The following MOK variants were observed in gnomAD, a reference collection of about 807,000 sequenced individuals.
MOK encodes the protein MOK protein kinase, also known as MAPK/MAK/MRK overlapping kinase.
A neutral mutation model predicts 54.2 loss-of-function variants in MOK; 59 were observed. The ratio of observed to expected loss-of-function variants is 1.09; its 90% CI spans 0.88 to 1.35. The LOEUF is 1.35. Ranked by LOEUF, MOK falls within the 40% of genes most tolerant of loss-of-function variation. The pLI is 0.00. For missense variants in MOK, 517 were observed against 526.2 expected (o/e 0.98, Z 0.17); for synonymous variants, 210 against 202.7 (o/e 1.04, Z -0.31).
Position 102,250,940 on chromosome 14 carries a change from G to A in MOK, c.462C>T (p.Ser154=). 6.2e-7 allele frequency: 1 copy of A among 1,614,114 alleles called. No homozygotes were observed. Among genetic ancestry groups the A allele is most frequent in the Non-Finnish European group, 8.5e-7 (1 of 1,180,022 alleles). ...GDFGSCRSVY[S]KQPYTEYIST... ...AGATGTATTCCGTGTACGGCTGCTTGGAATAGACACTCCGGCAGGAGCCAA... is the reference window on the plus strand; with the variant it reads ...AGATGTATTCCGTGTACGGCTGCTTAGAATAGACACTCCGGCAGGAGCCAA... The change falls in exon 7 of 12, where the codon TCC becomes TCT. Residue 154 remains serine (S), a synonymous_variant. Coordinates refer to ENST00000361847, the MANE Select transcript of MOK (RefSeq NM_014226.3).
rs2065992918 is a variant in MOK at position 102,245,130 on chromosome 14, A to G, written c.590+5682T>C. Among the ~76,000 whole-genome samples the G allele has an allele frequency of 6.6e-6, 1 of 151,898 alleles. No homozygotes were observed. Among genetic ancestry groups the G allele is most frequent in the Non-Finnish European group, 1.5e-5 (1 of 67,990 alleles). On this transcript the variant is annotated intron_variant, in intron 7 of 11. Coordinates refer to ENST00000361847, the MANE Select transcript of MOK (RefSeq NM_014226.3). This position sits in a 1 kb window ranked among gnomAD's most constrained non-coding sequence, Gnocchi z 4.3. The stretch of plus-strand genomic sequence containing the variant: ...ACCTTGTGTCTTCCGTTTAGCTCTC[A>G]ATTCATAAAAAAACACATCCAGGCC...
Position 102,231,501 on chromosome 14 carries a change from G to T in MOK, c.981+206C>A, listed in dbSNP as rs1457977551. 7.7e-6 allele frequency: 4 copies of T among 518,402 alleles called. No individual in the cohort carries two copies. The highest frequency in any genetic ancestry group is 1.4e-5 in the Non-Finnish European group (4 of 288,560). The allele number at this position is 518,402 out of a possible 1,614,324, so 32.1% of individuals were successfully genotyped here. A position where few individuals can be genotyped will look rare whatever the true frequency, so the allele number is the denominator to read the frequency against. ...TCGTCATCAATTCTTAGCTACTGGG[G>T]CAGAAAGGGCTTGAGCAAATAGAAC... On this transcript the variant is annotated intron_variant, in intron 10 of 11. Transcript: ENST00000361847. The surrounding 1 kb of genome is among the most constrained non-coding windows in gnomAD (Gnocchi z 4.4).
At position 102,295,155 on chromosome 14, in the gene MOK, A is replaced by G. The variant is rs920606634; in HGVS notation, c.7+9807T>C. ...GAAGGGAACAGAGCTATGATACTGT[A>G]AATGAACGTCATGCCCCACATTATT... On this transcript the variant is annotated intron_variant, in intron 1 of 11. Transcript: ENST00000361847. Among the ~76,000 whole-genome samples, 4 of 152,332 alleles carry G rather than the reference A, an allele frequency of 2.6e-5. No individual in the cohort carries two copies. The South Asian group carries it at 8.3e-4, about 32-fold the overall frequency.
At chr14:102,262,927 TAGTC>T (rs1467026121) in intron 4 of MOK, among the ~76,000 whole-genome samples, 2 of 152,240 alleles carry the variant, frequency 1.3e-5, no homozygotes, top group African/African-American at 2.4e-5. Context: ...ACACAACCAT[TAGTC>T]AGACCCCCAG....
At chr14:102,277,528 G>A (rs577963776) in intron 2 of MOK, 1 of 151,936 alleles carries the variant, frequency 6.6e-6, no homozygotes, top group South Asian at 2.1e-4. Flanking sequence ...TGAGGCAGGA[G>A]AACTGCTTGA....
At chr14:102,297,231 G>A (rs1453284072) in intron 1 of MOK, among the ~76,000 whole-genome samples, 12 of 149,820 alleles carry the variant, frequency 8.0e-5, no homozygotes, top group South Asian at 6.4e-4. Context: ...GGTGGCGGGC[G>A]CCTGTAGTCC....
intron 4 of MOK, among the ~76,000 whole-genome samples, chr14:102,254,852 C>T (rs542037608): frequency 2.0e-5 from 3 of 152,288 alleles, no homozygotes; most frequent in South Asian, 2.1e-4. Flanking sequence ...TCCCAAAGCT[C>T]GCCTGCTTAG....
intron 1 of MOK, among the ~76,000 whole-genome samples, chr14:102,299,029 A>G (rs2071822108): frequency 6.6e-6 from 1 of 152,142 alleles, no homozygotes; most frequent in Non-Finnish European, 1.5e-5. Context: ...CAAACTCCAG[A>G]CACACTGCTT....
chr14:102,252,528 C>T (rs1183078394), intron 4 of MOK, among the ~76,000 whole-genome samples: 1 of 151,876 alleles, frequency 6.6e-6, no homozygotes, highest in African/African-American at 2.4e-5. Context: ...ATGGAAAATC[C>T]CTTTTTATTT....
chr14:102,283,569 C>T lies in MOK; in HGVS notation c.31G>A (p.Gly11Arg). 2 of 1,613,048 alleles carry T rather than the reference C, an allele frequency of 1.2e-6. No homozygotes were observed. The highest frequency in any genetic ancestry group is 1.7e-5 in the Admixed American group (1 of 59,826). MKNYKAIGKIGEGTFSEVMKM... is the reference protein window; with the variant it reads MKNYKAIGKIREGTFSEVMKM... ...ATAACTTCAGAAAACGTTCCCTCTC[C>T]TATTTTGCCAATTGCTTTATAGTCT... Residue 11 changes from glycine to arginine, a missense_variant, in exon 2 of 12, where the codon GGA becomes AGA. Transcript: ENST00000361847.
At chr14:102,221,561 C>T (rs530977899), downstream of MOK, among the ~76,000 whole-genome samples, 1 of 152,234 alleles carries the variant, frequency 6.6e-6, no homozygotes, top group East Asian at 1.9e-4. The surrounding 1 kb of genome is among the most constrained non-coding windows in gnomAD (Gnocchi z 4.8). Flanking sequence ...TTTCAGGGGT[C>T]CCAGAGGAAA....
At chr14:102,248,594 C>T (rs1211748613) in intron 7 of MOK, among the ~76,000 whole-genome samples, 12 of 152,016 alleles carry the variant, frequency 7.9e-5, no homozygotes, top group Non-Finnish European at 1.6e-4. Context: ...CTGGCTAACA[C>T]AATGAAACCC....
At position 102,229,368 on chromosome 14, in the gene MOK, T is replaced by C. The variant is rs1567123946; in HGVS notation, c.1183-2A>G. On this transcript the variant is annotated splice_acceptor_variant, in intron 11 of 11. Coordinates refer to ENST00000361847, the MANE Select transcript of MOK (RefSeq NM_014226.3). LOFTEE classifies it high-confidence loss of function. ...CTTAAGGTCCTTCTGCGGATCTGTC[T>C]GTCAAAGAAAAATTACAGACACAAA... The C allele has an allele frequency of 7.4e-6, 12 of 1,614,206 alleles. No individual in the cohort carries two copies. The highest frequency in any genetic ancestry group is 1.7e-5 in the Admixed American group (1 of 60,034).
At chr14:102,288,070 A>G (rs1208358249) in intron 1 of MOK, among the ~76,000 whole-genome samples, 2 of 149,854 alleles carry the variant, frequency 1.3e-5, no homozygotes, top group Non-Finnish European at 1.5e-5. Flanking sequence ...TCCTGACCTC[A>G]TGATCCACCC....
downstream of MOK, chr14:102,224,528 T>C (rs1369551631): frequency 8.8e-6 from 4 of 454,830 alleles, no homozygotes; most frequent in Non-Finnish European, 1.8e-5. Context: ...TTGTGAGACT[T>C]TAAACCATGA....
intron 4 of MOK, among the ~76,000 whole-genome samples, 182 bp from the exon 5 acceptor site, chr14:102,252,177 T>C (rs2066585098): frequency 1.3e-5 from 2 of 152,168 alleles, no homozygotes; most frequent in South Asian, 4.1e-4. Context: ...TAAAATTCCA[T>C]ATACTGGCCA....
intron 8 of MOK, 182 bp downstream of exon 8, chr14:102,233,506 C>A (rs1466922209): frequency 1.7e-6 from 1 of 585,776 alleles, no homozygotes; most frequent in African/African-American, 1.9e-5. Flanking sequence ...CCTTTGAGAC[C>A]ACTTAAAGTG....
intron 2 of MOK, among the ~76,000 whole-genome samples, chr14:102,269,753 G>C (rs2068207971): frequency 6.6e-6 from 1 of 152,130 alleles, no homozygotes; most frequent in African/African-American, 2.4e-5. Flanking sequence ...GATTACAGGC[G>C]TGAGCCACTG....
intron 3 of MOK, chr14:102,264,446 T>G (rs2067736273): frequency 6.6e-6 from 1 of 152,198 alleles, no homozygotes; most frequent in Non-Finnish European, 1.5e-5. Context: ...CACCAACTTC[T>G]GAGTTCAAGC....
Sources: gnomAD v4.1 joint callset for allele counts (sites outside exome capture counted in the v4.1 genomes callset) on GRCh38, gnomAD v4.1.1 for gene constraint, Gnocchi (gnomAD v3.1) non-coding constraint, MANE v1.5 for transcripts, NCBI Gene and HGNC (gene_info 2026-07-23, HGNC 2026-07-21) for gene names.